The following INSYN2B variants were observed in gnomAD, a reference collection of about 807,000 sequenced individuals.
The protein encoded by INSYN2B is inhibitory synaptic factor family member 2B, also known as protein INSYN2B.
In INSYN2B, 16 loss-of-function variants were observed where a neutral mutation model predicts 41.2. The observed-to-expected ratio is 0.39, with a 90% CI of 0.26 to 0.59. INSYN2B has a LOEUF of 0.59. Among genes scored for constraint, INSYN2B ranks in the 20% least tolerant of loss-of-function variants. The probability of loss-of-function intolerance (pLI) is 0.57; values close to 1 mark genes in which losing one functional copy is unlikely to be tolerated. For synonymous variants in INSYN2B, 245 were observed against 244.4 expected (o/e 1.00, Z -0.02); for missense variants, 608 against 646.4 (o/e 0.94, Z 0.64).
intron 1 of INSYN2B, among the ~76,000 whole-genome samples, chr5:169,910,654 C>CA: frequency 6.6e-6 from 1 of 152,280 alleles, no homozygotes; most frequent in South Asian, 2.1e-4. Flanking sequence ...GGGGCCACGG[C>CA]AATGAAGTCC....
At chr5:169,885,928 T>G (rs1772944478) in intron 1 of INSYN2B, among the ~76,000 whole-genome samples, 1 of 152,168 alleles carries the variant, frequency 6.6e-6, no homozygotes. Flanking sequence ...AATTGAAGCT[T>G]AGAGAGGGTA....
intron 1 of INSYN2B, among the ~76,000 whole-genome samples, chr5:169,887,353 A>C (rs1773031090): frequency 6.6e-6 from 1 of 152,238 alleles, no homozygotes; most frequent in Admixed American, 6.5e-5. Context: ...AAATAATACA[A>C]ATAAACAACA....
At chr5:169,938,225 CTTT>C (rs573891252) in intron 1 of INSYN2B, among the ~76,000 whole-genome samples, 2 of 143,326 alleles carry the variant, frequency 1.4e-5, no homozygotes, top group Admixed American at 7.0e-5. Context: ...TTTCTTTCTT[CTTT>C]TTTTTTTTTT....
chr5:169,961,710 GCTCA>G (rs1324863150), intron 1 of INSYN2B, among the ~76,000 whole-genome samples: 1 of 152,092 alleles, frequency 6.6e-6, no homozygotes, highest in African/African-American at 2.4e-5. Flanking sequence ...GGGTGCAGTG[GCTCA>G]CGCCCGTAAT....
At chr5:169,929,568 C>A (rs1775641675) in intron 1 of INSYN2B, among the ~76,000 whole-genome samples, 1 of 151,834 alleles carries the variant, frequency 6.6e-6, no homozygotes, top group South Asian at 2.1e-4. Flanking sequence ...GAAACCTTGT[C>A]TCTAACAACA....
chr5:169,888,227 G>T (rs772056784), intron 1 of INSYN2B, among the ~76,000 whole-genome samples: 1 of 152,068 alleles, frequency 6.6e-6, no homozygotes, highest in Non-Finnish European at 1.5e-5. Flanking sequence ...AATACACCTG[G>T]CTAAAAGCAC....
At chr5:169,880,263 A>C (rs1195382432) in intron 3 of INSYN2B, among the ~76,000 whole-genome samples, 1 of 152,184 alleles carries the variant, frequency 6.6e-6, no homozygotes, top group Non-Finnish European at 1.5e-5. Context: ...TAAGGAGCTG[A>C]TGGGTTCAAT....
chr5:169,885,422 G>A (rs1772916994), intron 1 of INSYN2B, among the ~76,000 whole-genome samples: 1 of 152,196 alleles, frequency 6.6e-6, no homozygotes, highest in Non-Finnish European at 1.5e-5. Context: ...ATGAAGAGGA[G>A]TGAAGGTCCT....
At chr5:169,944,038 T>G (rs1265559707) in intron 1 of INSYN2B, among the ~76,000 whole-genome samples, 1 of 152,210 alleles carries the variant, frequency 6.6e-6, no homozygotes, top group Non-Finnish European at 1.5e-5. Flanking sequence ...TAAGAATTAG[T>G]ATTTATAAAG....
intron 1 of INSYN2B, among the ~76,000 whole-genome samples, chr5:169,931,349 C>T (rs577389277): frequency 6.6e-6 from 1 of 152,300 alleles, no homozygotes; most frequent in African/African-American, 2.4e-5. Flanking sequence ...ACACAAACAC[C>T]AGCGTCTCTC....
intron 3 of INSYN2B, among the ~76,000 whole-genome samples, chr5:169,867,982 C>G (rs922510459): frequency 6.6e-6 from 1 of 152,238 alleles, no homozygotes. Context: ...CATCTATATT[C>G]ACAATGCTCC....
intron 1 of INSYN2B, among the ~76,000 whole-genome samples, chr5:169,902,883 A>C (rs1774008925): frequency 1.3e-5 from 2 of 152,088 alleles, no homozygotes; most frequent in Non-Finnish European, 2.9e-5. Flanking sequence ...GCGGATCACA[A>C]GGTCAAGAGA....
At position 169,951,744 on chromosome 5, in the gene INSYN2B, T is replaced by A. The variant is rs373892595; in HGVS notation, c.-919+28533A>T. Among the ~76,000 whole-genome samples, 280 of 152,328 alleles carry A rather than the reference T, an allele frequency of 1.8e-3. 6 individuals carry two copies. The South Asian group carries it at 0.049, about 26-fold the overall frequency. ...AGCTACACCAAGGATTGTGCTCAAG[T>A]TTTGACTTATATTAGCTTGTTTAAG... On this transcript the variant is annotated intron_variant, in intron 1 of 3. Coordinates refer to ENST00000377365, the MANE Select transcript of INSYN2B (RefSeq NM_001129891.3).
At chr5:169,877,644 G>A (rs1772406623) in intron 3 of INSYN2B, among the ~76,000 whole-genome samples, 1 of 151,980 alleles carries the variant, frequency 6.6e-6, no homozygotes, top group African/African-American at 2.4e-5. Flanking sequence ...GCATGTAGTT[G>A]CTTGAAAATT....
intron 1 of INSYN2B, among the ~76,000 whole-genome samples, chr5:169,968,199 CT>C (rs914069982): frequency 2.6e-5 from 4 of 152,196 alleles, no homozygotes; most frequent in African/African-American, 9.7e-5. Flanking sequence ...CAATCATGGG[CT>C]GGTTGTTTCA....
intron 1 of INSYN2B, among the ~76,000 whole-genome samples, chr5:169,920,183 C>A (rs1044890236): frequency 2.0e-5 from 3 of 152,156 alleles, no homozygotes; most frequent in African/African-American, 7.2e-5. Flanking sequence ...CAAACCCAGG[C>A]AGTCCATCTT....
intron 1 of INSYN2B, among the ~76,000 whole-genome samples, chr5:169,969,675 A>C (rs1218326734): frequency 6.6e-6 from 1 of 152,176 alleles, no homozygotes; most frequent in Admixed American, 6.5e-5. Flanking sequence ...TACAGGGTCC[A>C]GGCAGATAAC....
chr5:169,903,311 T>TAAAAAAA (rs142632030), intron 1 of INSYN2B, among the ~76,000 whole-genome samples: 1 of 111,080 alleles, frequency 9.0e-6, no homozygotes. Flanking sequence ...ACAACAACAA[T>TAAAAAAA]AAAAAAAAAA....
At chr5:169,904,091 CAAAA>C (rs57983281) in intron 1 of INSYN2B, among the ~76,000 whole-genome samples, 3 of 70,390 alleles carry the variant, frequency 4.3e-5, no homozygotes, top group African/African-American at 4.9e-5. Flanking sequence ...GACTTCGTCT[CAAAA>C]AAAAAAAAAA....
Sources: allele counts gnomAD v4.1 joint callset (sites outside exome capture counted in the v4.1 genomes callset), GRCh38; gene constraint gnomAD v4.1.1; transcripts MANE v1.5; gene names NCBI Gene and HGNC (gene_info 2026-07-23, HGNC 2026-07-21).